Variants in POLDIP2 observed in about 807,000 individuals in gnomAD.
POLDIP2 encodes the protein DNA polymerase delta interacting protein 2, also known as polymerase delta-interacting protein 2.
In POLDIP2, 32 loss-of-function variants were observed where a neutral mutation model predicts 52.9. The observed-to-expected ratio is 0.61, with a 90% CI of 0.46 to 0.81. The LOEUF is 0.81. POLDIP2 is among the 40% of genes least tolerant of loss of function. The probability of loss-of-function intolerance (pLI) is 0.00; values close to 1 mark genes in which losing one functional copy is unlikely to be tolerated. For synonymous variants in POLDIP2, 183 were observed against 183.0 expected (o/e 1.00, Z 0.00); for missense variants, 371 against 477.3 (o/e 0.78, Z 2.07).
intron 2 of POLDIP2, among the ~76,000 whole-genome samples, chr17:28,355,335 C>T (rs1259866256): frequency 3.9e-5 from 6 of 152,210 alleles, no homozygotes; most frequent in African/African-American, 1.2e-4. Context: ...GGGCTGGGTG[C>T]GGTGGCTCAC....
In POLDIP2 at chr17:28,346,633, T is replaced by C. The variant is rs1438183557; in HGVS notation, c.*1484A>G. 6.6e-6 allele frequency: 1 copy of C among 152,266 alleles called. No homozygotes were observed. Among genetic ancestry groups the C allele is most frequent in the East Asian group, 1.9e-4 (1 of 5,208 alleles). 9.4% of individuals were successfully genotyped at this position (152,266 alleles called of 1,614,324 possible). A position where few individuals can be genotyped will look rare whatever the true frequency, so the allele number is the denominator to read the frequency against. Reference sequence around the variant, plus strand: ...AATACTAACATTGAACTCACTGACATGATCTTAGCTTCTTTAATCAGACTT... The same window carrying C: ...AATACTAACATTGAACTCACTGACACGATCTTAGCTTCTTTAATCAGACTT... On this transcript the variant is annotated 3_prime_UTR_variant, in exon 11 of 11. Transcript: ENST00000540200.
rs782737697 is a variant in POLDIP2 at position 28,352,955 on chromosome 17, T to C, written c.579A>G (p.Gln193=). 8.9e-6 allele frequency: 14 copies of C among 1,571,012 alleles called. No individual in the cohort carries two copies. Among genetic ancestry groups the C allele is most frequent in the Admixed American group, 1.7e-5 (1 of 59,962 alleles). ...GAAGAAATCTTTCAAAGAGTTCATG[T>C]TGGATGGGAACCTGATCAGTGGAGG... ...PYTSTDQVPI[Q]HELFERFLLY... is the part of the protein sequence containing the mutation. Residue 193 remains glutamine (Q), a synonymous_variant, in exon 6 of 11, where the codon CAA becomes CAG. Transcript: ENST00000540200.
intron 7 of POLDIP2, among the ~76,000 whole-genome samples, chr17:28,351,238 T>C (rs1161308038): frequency 1.3e-5 from 2 of 152,332 alleles, no homozygotes; most frequent in South Asian, 2.1e-4. Context: ...TATCCAAGCA[T>C]GCACTGACTA....
In POLDIP2 at chr17:28,348,039, G is replaced by C; in HGVS notation, c.*78C>G. The C allele has an allele frequency of 1.2e-6, 1 of 825,824 alleles. No homozygotes were observed. The highest frequency in any genetic ancestry group is 2.1e-6 in the Non-Finnish European group (1 of 484,392). The allele number at this position is 825,824 out of a possible 1,614,324, so 51.2% of individuals were successfully genotyped here. Reference sequence around the variant, plus strand: ...CCCACTGTGGCCCATGATGGGGAGAGAAGAGTTCTGCAGCAATTGTGGGAT... The same window carrying C: ...CCCACTGTGGCCCATGATGGGGAGACAAGAGTTCTGCAGCAATTGTGGGAT... On this transcript the variant is annotated 3_prime_UTR_variant, in exon 11 of 11. Coordinates refer to ENST00000540200, the MANE Select transcript of POLDIP2 (RefSeq NM_015584.5).
At chr17:28,357,138 AGC>A (rs1200169123) in intron 1 of POLDIP2, 148 bp downstream of exon 1, 1 of 714,430 alleles carries the variant, frequency 1.4e-6, no homozygotes, top group African/African-American at 1.9e-5. Context: ...TGTCCCAGAC[AGC>A]GCAGGTCGGC....
chr17:28,353,006 G>T lies in POLDIP2; in HGVS notation c.528C>A (p.Val176=). 9.3e-7 allele frequency: 1 copy of T among 1,072,552 alleles called. No individual in the cohort carries two copies. The highest frequency in any genetic ancestry group is 1.5e-6 in the Non-Finnish European group (1 of 685,390). The allele number at this position is 1,072,552 out of a possible 1,614,324, so 66.4% of individuals were successfully genotyped here. ...ALYAIPGLDY[V]SHEDILPYTS... is the part of the protein sequence containing the mutation. ...TGTAGGGGAGGATGTCTTCATGGCT[G>T]ACATAGTCCAAGCCTGGCACAGAGA... Residue 176 remains valine, a synonymous_variant, in exon 6 of 11, where the codon GTC becomes GTA. Coordinates refer to ENST00000540200, the MANE Select transcript of POLDIP2 (RefSeq NM_015584.5).
chr17:28,353,330 T>C lies in POLDIP2; in HGVS notation c.439-14A>G, dbSNP rs782222251. The stretch of plus-strand genomic sequence containing the variant: ...AGATCTCTGAGACTAAGGCAAGAAG[T>C]GAATCAGTGGTGAAACCATGTCTCT... On this transcript the variant is annotated splice_polypyrimidine_tract_variant and intron_variant, in intron 4 of 10. Transcript: ENST00000540200. 18 of 1,471,500 alleles carry C rather than the reference T, an allele frequency of 1.2e-5. No homozygotes were observed. The African/African-American group carries it at 2.5e-4, about 20-fold the overall frequency. The allele number at this position is 1,471,500 out of a possible 1,614,324, so 91.2% of individuals were successfully genotyped here.
intron 2 of POLDIP2, among the ~76,000 whole-genome samples, chr17:28,355,474 G>A (rs1907980477): frequency 6.6e-6 from 1 of 152,184 alleles, no homozygotes; most frequent in African/African-American, 2.4e-5. Flanking sequence ...AAGTGTGGTG[G>A]CGCATGCTTG....
chr17:28,354,589 G>A lies in POLDIP2; in HGVS notation c.244-4C>T, dbSNP rs372292896. On this transcript the variant is annotated splice_region_variant and splice_polypyrimidine_tract_variant and intron_variant, in intron 2 of 10. Transcript: ENST00000540200. ...CAAAAATGCTATGAAGGAAAAGCTG[G>A]AAGGAAAGAGGGGCCTCAGTGAGTC... 8 of 1,548,658 alleles carry A rather than the reference G, an allele frequency of 5.2e-6. No homozygotes were observed. The highest frequency in any genetic ancestry group is 8.7e-7 in the Non-Finnish European group (1 of 1,143,560).
At chr17:28,348,419 A>G (rs1278556611) in intron 10 of POLDIP2, among the ~76,000 whole-genome samples, 188 bp from the exon 11 acceptor site, 1 of 152,190 alleles carries the variant, frequency 6.6e-6, no homozygotes, top group Admixed American at 6.5e-5. Context: ...ATGAAAAGAA[A>G]AACACAGCTG....
Position 28,351,882 on chromosome 17 carries a change from C to A in POLDIP2, c.623-82G>T. 4 of 1,295,250 alleles carry A rather than the reference C, an allele frequency of 3.1e-6. No homozygotes were observed. In the South Asian group the frequency reaches 3.6e-5, roughly 12 times the overall value. The allele number at this position is 1,295,250 out of a possible 1,614,324, so 80.2% of individuals were successfully genotyped here. A position where few individuals can be genotyped will look rare whatever the true frequency, so the allele number is the denominator to read the frequency against. On this transcript the variant is annotated intron_variant, in intron 6 of 10. Transcript: ENST00000540200. ...AGTCCAATCACACAATAGTCCAGTGCGATTGCCCCTCCTAGAAAACCCTCC... is the reference window on the plus strand; with the variant it reads ...AGTCCAATCACACAATAGTCCAGTGAGATTGCCCCTCCTAGAAAACCCTCC...
chr17:28,348,184 C>T lies in POLDIP2; in HGVS notation c.1040G>A (p.Arg347Gln), dbSNP rs782452423. Residue 347 changes from arginine to glutamine, a missense_variant, in exon 11 of 11, where the codon CGG becomes CAG. Arg to Gln is a conservative substitution (Grantham distance 43). Coordinates refer to ENST00000540200, the MANE Select transcript of POLDIP2 (RefSeq NM_015584.5). ...ERPDGSHFDV[R>Q]IPPFSLESNK... ...GCTTTCCAGGGAGAAGGGAGGAATCCGAACATCAAAGTGGGAGCCATCAGG... is the reference window on the plus strand; with the variant it reads ...GCTTTCCAGGGAGAAGGGAGGAATCTGAACATCAAAGTGGGAGCCATCAGG... 2.5e-6 allele frequency: 4 copies of T among 1,613,850 alleles called. No homozygotes were observed. Among genetic ancestry groups the T allele is most frequent in the East Asian group, 2.2e-5 (1 of 44,880 alleles).
intron 2 of POLDIP2, among the ~76,000 whole-genome samples, 186 bp downstream of exon 2, chr17:28,355,609 C>CA (rs1567793926): frequency 6.6e-6 from 1 of 151,196 alleles, no homozygotes; most frequent in Non-Finnish European, 1.5e-5. Flanking sequence ...CTCCGTCTCA[C>CA]AAAAAATAAA....
chr17:28,348,644 G>A (rs984452934), intron 10 of POLDIP2, among the ~76,000 whole-genome samples: 31 of 152,160 alleles, frequency 2.0e-4, no homozygotes, highest in Non-Finnish European at 1.5e-4. Flanking sequence ...CCTGGGAGGC[G>A]GAGGTTGCAG....
At chr17:28,351,883 G>A (rs1369933569) in intron 6 of POLDIP2, 83 bp from the exon 7 acceptor site, 14 of 1,305,104 alleles carry the variant, frequency 1.1e-5, no homozygotes, top group African/African-American at 8.7e-5. Flanking sequence ...AGTCCAGTGC[G>A]ATTGCCCCTC....
In POLDIP2 at chr17:28,350,349, T is replaced by C. The variant is rs1199354658; in HGVS notation, c.912+89A>G. 3 of 1,161,166 alleles carry C rather than the reference T, an allele frequency of 2.6e-6. No individual in the cohort carries two copies. The African/African-American group carries it at 4.6e-5, about 18-fold the overall frequency. The allele number at this position is 1,161,166 out of a possible 1,614,324, so 71.9% of individuals were successfully genotyped here. ...ACAATGTATTCACAAAGTGAGCCTC[T>C]GTCTATAACAACAAAGGAGAAGGAA... is the stretch of plus-strand genomic sequence containing the variant. On this transcript the variant is annotated intron_variant, in intron 9 of 10. Coordinates refer to ENST00000540200, the MANE Select transcript of POLDIP2 (RefSeq NM_015584.5).
At position 28,355,895 on chromosome 17, in the gene POLDIP2, A is replaced by G. The variant is rs1908007627; in HGVS notation, c.162-19T>C. On this transcript the variant is annotated intron_variant, in intron 1 of 10. Transcript: ENST00000540200. ...TCGGTTTCTGAGTAGGAAGGAAAAG[A>G]ACAAGCAACAGAAAAGCTGAGAAGG... is the stretch of plus-strand genomic sequence containing the variant. 6.3e-7 allele frequency: 1 copy of G among 1,588,530 alleles called. No individual in the cohort carries two copies. Among genetic ancestry groups the G allele is most frequent in the Non-Finnish European group, 8.6e-7 (1 of 1,159,370 alleles).
At chr17:28,355,743 T>C in intron 2 of POLDIP2, 52 bp downstream of exon 2, 3 of 1,412,416 alleles carry the variant, frequency 2.1e-6, no homozygotes, top group Non-Finnish European at 3.0e-6. Context: ...CTGACTTTTT[T>C]CAGAAGCAGA....
chr17:28,354,345 C>T, intron 3 of POLDIP2, 143 bp downstream of exon 3: 1 of 641,360 alleles, frequency 1.6e-6, no homozygotes, highest in East Asian at 2.7e-5. Context: ...ACTTTTGTCT[C>T]CATGGGTCTT....
Sources: allele counts gnomAD v4.1 joint callset (sites outside exome capture counted in the v4.1 genomes callset), GRCh38; gene constraint gnomAD v4.1.1; transcripts MANE v1.5; gene names NCBI Gene and HGNC (gene_info 2026-07-23, HGNC 2026-07-21).